ASNS: variants seen among roughly 807,000 people sequenced by gnomAD.
ASNS encodes the protein asparagine synthetase (glutamine-hydrolyzing).
Under a neutral mutation model 62.6 loss-of-function variants are expected in ASNS, and 37 were observed. That is an observed-to-expected ratio of 0.59 (90% CI 0.45 to 0.78). The LOEUF is 0.78. ASNS is among the 30% of genes least tolerant of loss of function. The probability of loss-of-function intolerance (pLI) is 0.00; values close to 1 mark genes in which losing one functional copy is unlikely to be tolerated. For synonymous variants in ASNS, 207 were observed against 237.9 expected (o/e 0.87, Z 1.19); for missense variants, 520 against 682.4 (o/e 0.76, Z 2.65).
intron 3 of ASNS, among the ~76,000 whole-genome samples, chr7:97,865,397 G>A (rs1584472468): frequency 6.6e-6 from 1 of 152,100 alleles, no homozygotes. Context: ...ACTAGGAAGC[G>A]GGTCCTCTGA....
the ASNS span, chr7:97,908,397 T>G: frequency 6.6e-6 from 1 of 152,168 alleles, no homozygotes; most frequent in Admixed American, 6.5e-5. Context: ...TTCATATTAA[T>G]AGTTGGACTC....
At chr7:97,894,695 T>G in the ASNS span, among the ~76,000 whole-genome samples, 1 of 152,200 alleles carries the variant, frequency 6.6e-6, no homozygotes, top group African/African-American at 2.4e-5. Flanking sequence ...AAACCTGAAC[T>G]GACCCAAAAT....
At chr7:97,903,242 GTTT>G in the ASNS span, among the ~76,000 whole-genome samples, 3 of 142,702 alleles carry the variant, frequency 2.1e-5, no homozygotes, top group Admixed American at 7.0e-5. Flanking sequence ...AAGATCCAGA[GTTT>G]TTTTTTTTTT....
the ASNS span, among the ~76,000 whole-genome samples, chr7:97,914,633 C>G: frequency 2.6e-5 from 4 of 152,106 alleles, no homozygotes; most frequent in Admixed American, 2.6e-4. Context: ...TGCAGTTCAC[C>G]CCAAAAGGCT....
At chr7:97,885,018 G>A in the ASNS span, among the ~76,000 whole-genome samples, 3 of 152,220 alleles carry the variant, frequency 2.0e-5, no homozygotes, top group Admixed American at 6.5e-5. Context: ...CCTGCCTCCC[G>A]AGTAGCTGGG....
chr7:97,889,594 G>A, the ASNS span, among the ~76,000 whole-genome samples: 4 of 148,528 alleles, frequency 2.7e-5, no homozygotes, highest in South Asian at 2.2e-4. Context: ...ACAGCTGAAG[G>A]AATCATATGC....
At chr7:97,903,668 A>C in the ASNS span, among the ~76,000 whole-genome samples, 1 of 152,226 alleles carries the variant, frequency 6.6e-6, no homozygotes, top group African/African-American at 2.4e-5. Flanking sequence ...ATCTAAAAAA[A>C]ACAAACACTT....
chr7:97,858,975 T>C lies in ASNS; in HGVS notation c.674-20A>G. 1.3e-6 allele frequency: 2 copies of C among 1,584,696 alleles called. No individual in the cohort carries two copies. Among genetic ancestry groups the C allele is most frequent in the Non-Finnish European group, 1.7e-6 (2 of 1,165,434 alleles). On this transcript the variant is annotated intron_variant, in intron 5 of 12. Coordinates refer to ENST00000394308, the MANE Select transcript of ASNS (RefSeq NM_001673.5). The stretch of plus-strand genomic sequence containing the variant: ...CAAAACCTATAAACACAGCAGTAAA[T>C]CAAACAGCTCCAGAAAATCTTGGGC...
At chr7:97,925,887 G>A in the ASNS span, among the ~76,000 whole-genome samples, 157 of 152,262 alleles carry the variant, frequency 1.0e-3, no homozygotes, top group Non-Finnish European at 2.0e-3. Context: ...CTCCCTCCAG[G>A]AAGAGCTGTT....
chr7:97,928,424 C>G, the ASNS span: 117 of 508,068 alleles, frequency 2.3e-4, no homozygotes, highest in African/African-American at 1.9e-3. Context: ...GCACCGGGGC[C>G]GGCGCGGGCT....
the ASNS span, among the ~76,000 whole-genome samples, chr7:97,878,599 C>T: frequency 6.6e-6 from 1 of 152,134 alleles, no homozygotes. Flanking sequence ...ATGTAAAGGA[C>T]TTCTTCAAGG....
At chr7:97,880,652 C>T in the ASNS span, among the ~76,000 whole-genome samples, 7 of 152,172 alleles carry the variant, frequency 4.6e-5, no homozygotes, top group Admixed American at 2.0e-4. Context: ...GATCCCAGTG[C>T]ATTTTGAGGC....
rs1052873718 is a variant in ASNS, at chr7:97,864,501, G to A, written c.250-5C>T. On this transcript the variant is annotated splice_region_variant and splice_polypyrimidine_tract_variant and intron_variant, in intron 3 of 12. Coordinates refer to ENST00000394308, the MANE Select transcript of ASNS (RefSeq NM_001673.5). ...AAATTCAAAATGCTGTTGCATCTTA[G>A]GAAGCGAAAGCAAAACCAAAATGTT... is the stretch of plus-strand genomic sequence containing the variant. 5.0e-6 allele frequency: 8 copies of A among 1,611,564 alleles called. No individual in the cohort carries two copies. The highest frequency in any genetic ancestry group is 5.9e-6 in the Non-Finnish European group (7 of 1,177,888).
chr7:97,856,774 T>TA lies in ASNS; in HGVS notation c.945dup (p.Asn316Ter), dbSNP rs753440603. On this transcript the variant is annotated frameshift_variant, in exon 8 of 13. Coordinates refer to ENST00000394308, the MANE Select transcript of ASNS (RefSeq NM_001673.5). LOFTEE classifies it high-confidence loss of function. The stretch of plus-strand genomic sequence containing the variant: ...AGAGCCTGAATGCCTTCCTCAGAGT[T>TA]AAAAAGGACTTCATAATGTTCACTT... 1 of 1,612,522 alleles carries TA rather than the reference T, an allele frequency of 6.2e-7. No individual in the cohort carries two copies.
the ASNS span, among the ~76,000 whole-genome samples, chr7:97,886,382 C>T: frequency 0.023 from 3,462 of 152,184 alleles, 131 homozygotes; most frequent in African/African-American, 0.075. Flanking sequence ...CTCCTGACCT[C>T]GTGACCCGCT....
At chr7:97,902,885 T>C in the ASNS span, among the ~76,000 whole-genome samples, 1 of 152,206 alleles carries the variant, frequency 6.6e-6, no homozygotes, top group Non-Finnish European at 1.5e-5. Flanking sequence ...CCTGACATTG[T>C]ACTTTATGAA....
chr7:97,901,815 T>C, the ASNS span, among the ~76,000 whole-genome samples: 1 of 152,002 alleles, frequency 6.6e-6, no homozygotes, highest in East Asian at 1.9e-4. Context: ...CCGTCTCTAC[T>C]AAAAATACAA....
At chr7:97,855,179 T>C (rs1251098936) in intron 9 of ASNS, 174 bp downstream of exon 9, 6 of 543,672 alleles carry the variant, frequency 1.1e-5, no homozygotes, top group Non-Finnish European at 1.6e-5. Context: ...ATCTGACACA[T>C]TAAAATTTCT....
At chr7:97,873,428 A>G (rs1162436633), upstream of ASNS, among the ~76,000 whole-genome samples, 1 of 152,206 alleles carries the variant, frequency 6.6e-6, no homozygotes, top group Non-Finnish European at 1.5e-5. Flanking sequence ...AAAAACGTCA[A>G]CAATTTAAAA....
Sources: gnomAD v4.1 joint callset for allele counts (sites outside exome capture counted in the v4.1 genomes callset) on GRCh38, gnomAD v4.1.1 for gene constraint, MANE v1.5 for transcripts, NCBI Gene and HGNC (gene_info 2026-07-23, HGNC 2026-07-21) for gene names.